TNNT1: variants seen among roughly 807,000 people sequenced by gnomAD.
TNNT1 encodes troponin T1, slow skeletal type.
Under a neutral mutation model 50.6 loss-of-function variants are expected in TNNT1, and 53 were observed. The ratio of observed to expected loss-of-function variants is 1.05; its 90% CI spans 0.84 to 1.32. TNNT1 has a LOEUF of 1.32. Among genes scored for constraint, TNNT1 ranks in the 40% most tolerant of loss-of-function variants. The pLI is 0.00. For missense variants in TNNT1, 348 were observed against 381.7 expected (o/e 0.91, Z 0.74); for synonymous variants, 142 against 138.0 (o/e 1.03, Z -0.20).
In TNNT1 at chr19:55,149,071, T is replaced by C. The variant is rs1599901853; in HGVS notation, c.-12+90A>G. 4 of 449,606 alleles carry C rather than the reference T, an allele frequency of 8.9e-6. No homozygotes were observed. In the East Asian group the frequency reaches 2.8e-4, roughly 32 times the overall value. 27.9% of individuals were successfully genotyped at this position (449,606 alleles called of 1,614,324 possible). A position where few individuals can be genotyped will look rare whatever the true frequency, so the allele number is the denominator to read the frequency against. On this transcript the variant is annotated intron_variant, in intron 1 of 13. Coordinates refer to ENST00000588981, the MANE Select transcript of TNNT1 (RefSeq NM_003283.6). ...GCCCCACCTACCTCTGCACCATTTC[T>C]CCACACCCGACATCTTCCCCACCTG...
rs62126315 is a variant in TNNT1 at position 55,137,206 on chromosome 19, G to C, written c.508C>G (p.Gln170Glu). 14 of 1,612,852 alleles carry C rather than the reference G, an allele frequency of 8.7e-6. No homozygotes were observed. The highest frequency in any genetic ancestry group is 1.2e-5 in the Non-Finnish European group (14 of 1,179,316). The change falls in exon 11 of 14, where the codon CAG (glutamine) becomes GAG (glutamate). Residue 170 changes from glutamine (Q) to glutamate (E), a missense_variant. Physicochemically the swap from Gln to Glu is conservative, Grantham distance 29. Coordinates refer to ENST00000588981, the MANE Select transcript of TNNT1 (RefSeq NM_003283.6). ...HFGGYLVKAE[Q>E]KRGKRQTGRE... is the part of the protein sequence containing the mutation. ...CCCGTCTGCCGCTTACCACGCTTCT[G>C]TTCTGCCTGAGGGTGGGGGAGGCGG...
chr19:55,140,173 AT>A (rs1201030476), intron 9 of TNNT1, among the ~76,000 whole-genome samples: 1 of 151,276 alleles, frequency 6.6e-6, no homozygotes, highest in East Asian at 2.0e-4. Context: ...AAAATGGAGA[AT>A]CCAGGCCGGG....
At chr19:55,134,961 C>T (rs955015534) in intron 11 of TNNT1, among the ~76,000 whole-genome samples, 1 of 151,778 alleles carries the variant, frequency 6.6e-6, no homozygotes, top group African/African-American at 2.4e-5. Flanking sequence ...GAATATGTCA[C>T]ATGACTTCCT....
intron 11 of TNNT1, among the ~76,000 whole-genome samples, chr19:55,134,593 T>C (rs1047810162): frequency 6.2e-5 from 9 of 145,074 alleles, no homozygotes; most frequent in Admixed American, 5.0e-4. Flanking sequence ...AGAAGGAACC[T>C]GGGAGGTCAA....
rs550197086 is a variant in TNNT1 at position 55,141,159 on chromosome 19, C to CG, written c.309+26dup. The CG allele has an allele frequency of 2.8e-4, 446 of 1,594,608 alleles. 1 individual carries two copies. In the African/African-American group the frequency reaches 5.2e-3, roughly 19 times the overall value. On this transcript the variant is annotated intron_variant, in intron 8 of 13. Coordinates refer to ENST00000588981, the MANE Select transcript of TNNT1 (RefSeq NM_003283.6). ...GGGATCCACATGGAGGGAGGAAGAC[C>CG]GGGGGGAACCCGGACTCTCGGCTCA...
chr19:55,147,565 C>T (rs1599898388), intron 1 of TNNT1, among the ~76,000 whole-genome samples: 13 of 18,090 alleles, frequency 7.2e-4, no homozygotes, highest in African/African-American at 1.4e-3. Context: ...GGCTGGGGGC[C>T]GGATTCCTGG....
intron 1 of TNNT1, among the ~76,000 whole-genome samples, chr19:55,148,667 G>A (rs548542441): frequency 2.0e-5 from 3 of 151,954 alleles, no homozygotes; most frequent in East Asian, 3.9e-4. Flanking sequence ...ACCCAAACTC[G>A]GAGGCCCAGT....
At chr19:55,133,373 A>G (rs1037644877) in intron 13 of TNNT1, among the ~76,000 whole-genome samples, 7 of 149,412 alleles carry the variant, frequency 4.7e-5, no homozygotes, top group African/African-American at 1.8e-4. Context: ...GTGGAGAAAC[A>G]GAGAGATTCA....
intron 9 of TNNT1, among the ~76,000 whole-genome samples, chr19:55,139,291 C>T (rs758209597): frequency 6.6e-6 from 1 of 152,184 alleles, no homozygotes; most frequent in Non-Finnish European, 1.5e-5. Flanking sequence ...TCAGCCATCG[C>T]GCCTAAACTT....
At position 55,137,894 on chromosome 19, in the gene TNNT1, C is replaced by G. The variant is rs906105477; in HGVS notation, c.501+67G>C. 2.8e-5 allele frequency: 44 copies of G among 1,592,210 alleles called. No homozygotes were observed. The Admixed American group carries it at 7.2e-4, about 26-fold the overall frequency. ...CCTCAGCCCCTCCTCCGTTAGGAAC[C>G]AGAGGTCTGGCCCCCAGCCCCTGCC... On this transcript the variant is annotated intron_variant, in intron 10 of 13. Transcript: ENST00000588981.
At chr19:55,140,822 C>A in intron 9 of TNNT1, 61 bp downstream of exon 9, 2 of 1,118,800 alleles carry the variant, frequency 1.8e-6, no homozygotes, top group South Asian at 1.4e-5. Context: ...ATAATAATAA[C>A]AAAATGGGCA....
At position 55,140,800 on chromosome 19, in the gene TNNT1, A is replaced by G. The variant is rs867283910; in HGVS notation, c.387+83T>C. The G allele has an allele frequency of 9.9e-6, 8 of 804,216 alleles. No homozygotes were observed. The African/African-American group carries it at 1.1e-4, about 11-fold the overall frequency. The allele number at this position is 804,216 out of a possible 1,614,324, so 49.8% of individuals were successfully genotyped here. On this transcript the variant is annotated intron_variant, in intron 9 of 13. Coordinates refer to ENST00000588981, the MANE Select transcript of TNNT1 (RefSeq NM_003283.6). ...TCAAAGAATAATAATAATAGTAATAATAATAATAATAATAATAATAACAAA... is the reference window on the plus strand; with the variant it reads ...TCAAAGAATAATAATAATAGTAATAGTAATAATAATAATAATAATAACAAA...
chr19:55,134,268 C>G, intron 11 of TNNT1, 64 bp from the exon 12 acceptor site: 1 of 1,481,334 alleles, frequency 6.8e-7, no homozygotes, highest in South Asian at 1.2e-5. Flanking sequence ...CAAAGCCACA[C>G]AGCGAGACTG....
At chr19:55,140,343 C>T (rs1018531749) in intron 9 of TNNT1, among the ~76,000 whole-genome samples, 1 of 151,626 alleles carries the variant, frequency 6.6e-6, no homozygotes, top group Non-Finnish European at 1.5e-5. Context: ...GTGGCGCAGC[C>T]TATATAGTTC....
At chr19:55,141,947 T>C (rs1377005744) in intron 6 of TNNT1, 27 bp from the exon 7 acceptor site, 2 of 1,612,990 alleles carry the variant, frequency 1.2e-6, no homozygotes, top group Non-Finnish European at 1.7e-6. Context: ...ACAGAGACCA[T>C]GAGTGGCCCG....
At position 55,134,278 on chromosome 19, in the gene TNNT1, G is replaced by A. The variant is rs2085303686; in HGVS notation, c.612-74C>T. 2.8e-6 allele frequency: 4 copies of A among 1,430,364 alleles called. No individual in the cohort carries two copies. In the African/African-American group the frequency reaches 4.2e-5, roughly 15 times the overall value. 88.6% of individuals were successfully genotyped at this position (1,430,364 alleles called of 1,614,324 possible). A position where few individuals can be genotyped will look rare whatever the true frequency, so the allele number is the denominator to read the frequency against. ...CCACCCAAAGCCACACAGCGAGACT[G>A]TGAGTTCAGCGTTGTCGGCACCATT... On this transcript the variant is annotated intron_variant, in intron 11 of 13. Transcript: ENST00000588981.
intron 10 of TNNT1, among the ~76,000 whole-genome samples, chr19:55,137,494 G>GC (rs2085368480): frequency 8.0e-6 from 1 of 124,550 alleles, no homozygotes; most frequent in Non-Finnish European, 1.6e-5. Flanking sequence ...TCCTCCCTCA[G>GC]CCCAGGAGTC....
intron 7 of TNNT1, 62 bp from the exon 8 acceptor site, chr19:55,141,364 C>A: frequency 2.5e-6 from 3 of 1,221,040 alleles, no homozygotes; most frequent in Middle Eastern, 1.9e-4. Flanking sequence ...CCTCCCAGCA[C>A]CTCCCCCATG....
rs2147245019 is a variant in TNNT1 at position 55,137,252 on chromosome 19, A to G, written c.502-40T>C. The G allele has an allele frequency of 2.8e-6, 4 of 1,431,164 alleles. No homozygotes were observed. The East Asian group carries it at 6.8e-5, about 24-fold the overall frequency. 88.7% of individuals were successfully genotyped at this position (1,431,164 alleles called of 1,614,324 possible). On this transcript the variant is annotated intron_variant, in intron 10 of 13. Transcript: ENST00000588981. ...GGCGGAACAGTAAACTGGGGGCCAC[A>G]TCCCACAGAGCACTGCCGTGTCGGG...
Sources: allele counts gnomAD v4.1 joint callset (sites outside exome capture counted in the v4.1 genomes callset), GRCh38; gene constraint gnomAD v4.1.1; transcripts MANE v1.5; gene names NCBI Gene and HGNC (gene_info 2026-07-23, HGNC 2026-07-21).